The following TGFBR3 variants were observed in gnomAD, a reference collection of about 807,000 sequenced individuals.
TGFBR3 encodes transforming growth factor beta receptor type 3.
TGFBR3 carries 46 observed loss-of-function variants against 87.9 expected under a neutral mutation model. The ratio of observed to expected loss-of-function variants is 0.52; its 90% CI spans 0.41 to 0.67. The LOEUF (loss-of-function observed/expected upper bound fraction) is 0.67, where lower values mean the gene tolerates loss of function less well. Ranked by LOEUF, TGFBR3 falls within the 30% of genes least tolerant of loss-of-function variation. The probability of loss-of-function intolerance (pLI) is 0.00; values close to 1 mark genes in which losing one functional copy is unlikely to be tolerated. For missense variants in TGFBR3, 866 were observed against 1,041.9 expected (o/e 0.83, Z 2.32); for synonymous variants, 381 against 391.6 (o/e 0.97, Z 0.32).
upstream of TGFBR3, among the ~76,000 whole-genome samples, chr1:91,887,354 C>T (rs575095546): frequency 3.7e-4 from 55 of 148,468 alleles, no homozygotes; most frequent in African/African-American, 1.3e-3. Context: ...CAGGCTCAAG[C>T]GATTCTCCCA....
intron 2 of TGFBR3, among the ~76,000 whole-genome samples, chr1:91,840,680 C>T (rs1256764778): frequency 6.6e-6 from 1 of 152,088 alleles, no homozygotes; most frequent in Non-Finnish European, 1.5e-5. Flanking sequence ...AGTATTTAAC[C>T]ATTGAGAAAC....
chr1:91,886,296 C>T (rs760529678), upstream of TGFBR3: 7 of 396,228 alleles, frequency 1.8e-5, no homozygotes, highest in East Asian at 4.5e-4. Flanking sequence ...CCAGAAACTC[C>T]TCCTCCCGCC....
At chr1:91,693,463 A>G (rs944563670) in intron 16 of TGFBR3, among the ~76,000 whole-genome samples, 16 of 152,174 alleles carry the variant, frequency 1.1e-4, no homozygotes, top group African/African-American at 3.6e-4. Flanking sequence ...ATCAGTAACA[A>G]CAGACTTCCA....
At chr1:91,904,723 C>T (rs567201267) in intron 1 of TGFBR3, among the ~76,000 whole-genome samples, 1 of 152,244 alleles carries the variant, frequency 6.6e-6, no homozygotes, top group South Asian at 2.1e-4. Flanking sequence ...CACTGCCATG[C>T]CTGGCTAATA....
chr1:91,855,246 C>T (rs1198098677), intron 2 of TGFBR3, among the ~76,000 whole-genome samples: 1 of 152,198 alleles, frequency 6.6e-6, no homozygotes, highest in African/African-American at 2.4e-5. Flanking sequence ...AAGGATACAT[C>T]TGGGTACTGA....
intron 3 of TGFBR3, among the ~76,000 whole-genome samples, chr1:91,789,239 G>A (rs183698872): frequency 2.3e-4 from 35 of 152,270 alleles, no homozygotes; most frequent in African/African-American, 7.5e-4. Flanking sequence ...CCCAAGAGGC[G>A]GAGGTTGCAG....
chr1:91,726,547 G>A (rs374295688), intron 7 of TGFBR3, among the ~76,000 whole-genome samples: 5 of 151,642 alleles, frequency 3.3e-5, no homozygotes, highest in East Asian at 1.9e-4. Flanking sequence ...AAAACCCACG[G>A]GAACCAGAAA....
chr1:91,865,708 C>A (rs2101215593), intron 1 of TGFBR3, among the ~76,000 whole-genome samples: 1 of 151,160 alleles, frequency 6.6e-6, no homozygotes, highest in Non-Finnish European at 1.5e-5. Flanking sequence ...GTCAGGAGAT[C>A]GAGACCATCT....
chr1:91,727,615 G>C (rs1672594204), intron 7 of TGFBR3, 44 bp downstream of exon 7: 1 of 1,611,288 alleles, frequency 6.2e-7, no homozygotes, highest in African/African-American at 1.3e-5. Flanking sequence ...TTAAATTGTT[G>C]TCATTTATCT....
At chr1:91,756,990 TA>T (rs1673769032) in intron 4 of TGFBR3, among the ~76,000 whole-genome samples, 1 of 152,212 alleles carries the variant, frequency 6.6e-6, no homozygotes, top group Admixed American at 6.5e-5. Flanking sequence ...ATAACATTGA[TA>T]TAATATTTTA....
intron 7 of TGFBR3, among the ~76,000 whole-genome samples, chr1:91,722,880 C>G (rs1192522068): frequency 2.6e-5 from 4 of 152,164 alleles, no homozygotes; most frequent in Admixed American, 2.6e-4. Flanking sequence ...TATGGTATTA[C>G]AATCTGATAA....
intron 2 of TGFBR3, among the ~76,000 whole-genome samples, chr1:91,829,557 G>C (rs1485058416): frequency 1.3e-5 from 2 of 152,114 alleles, no homozygotes; most frequent in Non-Finnish European, 2.9e-5. Context: ...GAAGCACCCA[G>C]AACATAGCAG....
intron 2 of TGFBR3, among the ~76,000 whole-genome samples, chr1:91,830,409 G>A (rs531587981): frequency 6.6e-6 from 1 of 152,174 alleles, no homozygotes; most frequent in Non-Finnish European, 1.5e-5. Flanking sequence ...GGGGAGCTCT[G>A]TCCACGGTAT....
chr1:91,819,259 C>T (rs1676357395), intron 2 of TGFBR3, among the ~76,000 whole-genome samples: 1 of 151,860 alleles, frequency 6.6e-6, no homozygotes, highest in African/African-American at 2.4e-5. Context: ...TCCCAGCTAC[C>T]TAGGAGGCTG....
Position 91,719,407 on chromosome 1 carries a change from T to C in TGFBR3, c.1471A>G (p.Met491Val), listed in dbSNP as rs775478266. Reference sequence around the variant, plus strand: ...TCCAAAACAAAGTGTGTGCCATTCATCTTGGCCTTGCAGGTAGGATCCAAC... The same window carrying C: ...TCCAAAACAAAGTGTGTGCCATTCACCTTGGCCTTGCAGGTAGGATCCAAC... ...TLLDPTCKAK[M>V]NGTHFVLESP... Residue 491 changes from methionine (M) to valine (V), a missense_variant, in exon 10 of 17, where the codon ATG becomes GTG. Transcript: ENST00000212355. 6.2e-7 allele frequency: 1 copy of C among 1,614,152 alleles called. No individual in the cohort carries two copies. Among genetic ancestry groups the C allele is most frequent in the Admixed American group, 1.7e-5 (1 of 60,018 alleles).
At chr1:91,902,216 C>T (rs575274852) in intron 1 of TGFBR3, among the ~76,000 whole-genome samples, 1 of 152,018 alleles carries the variant, frequency 6.6e-6, no homozygotes, top group Non-Finnish European at 1.5e-5. Flanking sequence ...TCTTTTCACT[C>T]CTCCATTAGA....
At chr1:91,795,087 C>T (rs1482626268) in intron 3 of TGFBR3, among the ~76,000 whole-genome samples, 8 of 152,238 alleles carry the variant, frequency 5.3e-5, no homozygotes, top group Admixed American at 1.3e-4. Context: ...ATCCTCTATG[C>T]TCACTTTGTA....
At chr1:91,820,361 C>T (rs1378712996) in intron 2 of TGFBR3, among the ~76,000 whole-genome samples, 1 of 152,100 alleles carries the variant, frequency 6.6e-6, no homozygotes, top group Non-Finnish European at 1.5e-5. Context: ...TAGATGTTAA[C>T]TGCCACAGTA....
intron 2 of TGFBR3, among the ~76,000 whole-genome samples, chr1:91,851,346 C>T (rs1015019112): frequency 1.3e-5 from 2 of 152,154 alleles, no homozygotes; most frequent in Non-Finnish European, 2.9e-5. Flanking sequence ...GTTTTTTAGG[C>T]CATTCTGGCA....
Sources: gnomAD v4.1 joint callset for allele counts (sites outside exome capture counted in the v4.1 genomes callset) on GRCh38, gnomAD v4.1.1 for gene constraint, MANE v1.5 for transcripts, NCBI Gene and HGNC (gene_info 2026-07-23, HGNC 2026-07-21) for gene names.